POFUT3: variants seen among roughly 807,000 people sequenced by gnomAD.
The protein encoded by POFUT3 is protein O-fucosyltransferase 3, also known as GDP-fucose protein O-fucosyltransferase 3.
the POFUT3 span, among the ~76,000 whole-genome samples, chr8:33,467,222 G>A: frequency 4.3e-5 from 6 of 138,396 alleles, no homozygotes; most frequent in African/African-American, 8.3e-5. Context: ...GCAGTGAGCC[G>A]AGATCACGCC....
At chr8:33,458,512 C>T in the POFUT3 span, among the ~76,000 whole-genome samples, 8 of 151,992 alleles carry the variant, frequency 5.3e-5, no homozygotes, top group East Asian at 7.8e-4. Context: ...GTCAGGAGTT[C>T]GAGACCACCC....
chr8:33,470,862 A>C, the POFUT3 span, among the ~76,000 whole-genome samples: 7 of 152,190 alleles, frequency 4.6e-5, no homozygotes, highest in Non-Finnish European at 7.4e-5. Flanking sequence ...CTCATCCCAT[A>C]AATTATATCC....
At chr8:33,318,201 AT>A in the POFUT3 span, among the ~76,000 whole-genome samples, 1 of 151,748 alleles carries the variant, frequency 6.6e-6, no homozygotes, top group African/African-American at 2.4e-5. Flanking sequence ...GGCTTATTTT[AT>A]TTCCTGCTGT....
chr8:33,449,278 ATTTTTTTTTTTTTTTTTT>A, the POFUT3 span, among the ~76,000 whole-genome samples: 1 of 53,720 alleles, frequency 1.9e-5, no homozygotes, highest in African/African-American at 7.9e-5. Flanking sequence ...ATCCGAGTTG[ATTTTTTTTTTTTTTTTTT>A]TTTTTTTTTT....
At chr8:33,410,213 G>T in the POFUT3 span, among the ~76,000 whole-genome samples, 2 of 152,308 alleles carry the variant, frequency 1.3e-5, no homozygotes, top group South Asian at 4.1e-4. Flanking sequence ...AAGTACCAGG[G>T]AGGGGACCAG....
chr8:33,472,901 C>T, the POFUT3 span, among the ~76,000 whole-genome samples: 2 of 152,218 alleles, frequency 1.3e-5, no homozygotes, highest in Non-Finnish European at 2.9e-5. Context: ...TTACACGCAC[C>T]CCCTGCTCGG....
At chr8:33,335,151 A>ATGTGTTTGTG in the POFUT3 span, among the ~76,000 whole-genome samples, 1 of 145,774 alleles carries the variant, frequency 6.9e-6, no homozygotes, top group Non-Finnish European at 1.5e-5. Context: ...AAAGAAATAT[A>ATGTGTTTGTG]TGTGTGTGTG....
the POFUT3 span, among the ~76,000 whole-genome samples, chr8:33,392,661 T>C: frequency 5.3e-5 from 8 of 151,836 alleles, no homozygotes; most frequent in East Asian, 7.8e-4. Flanking sequence ...CTTCAGACGG[T>C]AAGTGCTGAA....
chr8:33,395,859 C>T, the POFUT3 span, among the ~76,000 whole-genome samples: 1 of 152,150 alleles, frequency 6.6e-6, no homozygotes, highest in South Asian at 2.1e-4. Flanking sequence ...GCGTGCTCCC[C>T]TTCCTGCAAG....
chr8:33,356,006 A>AT, the POFUT3 span, among the ~76,000 whole-genome samples: 1 of 152,172 alleles, frequency 6.6e-6, no homozygotes, highest in Admixed American at 6.5e-5. Context: ...TGAACTCATC[A>AT]TTTTTTATGG....
chr8:33,464,399 T>A, the POFUT3 span, among the ~76,000 whole-genome samples: 1 of 152,200 alleles, frequency 6.6e-6, no homozygotes, highest in African/African-American at 2.4e-5. Context: ...ACTCTCATTT[T>A]CAAATATAAG....
the POFUT3 span, chr8:33,452,669 T>C: frequency 5.6e-5 from 8 of 142,946 alleles, no homozygotes; most frequent in African/African-American, 2.1e-4. Context: ...CTAAATAACA[T>C]ACTTAGATTG....
At chr8:33,352,082 G>A in the POFUT3 span, among the ~76,000 whole-genome samples, 1 of 152,152 alleles carries the variant, frequency 6.6e-6, no homozygotes, top group South Asian at 2.1e-4. Context: ...CTCTGTCAAT[G>A]GGACCAAGTT....
chr8:33,432,454 C>A, the POFUT3 span, among the ~76,000 whole-genome samples: 3 of 150,634 alleles, frequency 2.0e-5, no homozygotes, highest in Admixed American at 2.0e-4. Flanking sequence ...AAAAACAACA[C>A]AAGTTCCCAG....
At chr8:33,383,759 A>C in the POFUT3 span, among the ~76,000 whole-genome samples, 2 of 150,934 alleles carry the variant, frequency 1.3e-5, no homozygotes, top group Non-Finnish European at 2.9e-5. Context: ...AAATTGCACC[A>C]CTGCACTCCA....
At chr8:33,442,503 C>T in the POFUT3 span, among the ~76,000 whole-genome samples, 1 of 152,000 alleles carries the variant, frequency 6.6e-6, no homozygotes, top group East Asian at 1.9e-4. Flanking sequence ...CCAGGATGGT[C>T]TCCATGTCCT....
At chr8:33,461,957 T>G in the POFUT3 span, among the ~76,000 whole-genome samples, 1 of 151,316 alleles carries the variant, frequency 6.6e-6, no homozygotes, top group East Asian at 2.0e-4. Flanking sequence ...GTCAGGAGTT[T>G]GAGACCAGTC....
the POFUT3 span, among the ~76,000 whole-genome samples, chr8:33,326,852 G>A: frequency 3.3e-5 from 5 of 152,166 alleles, 1 homozygote; most frequent in South Asian, 6.2e-4. Flanking sequence ...ATCATAGCTC[G>A]CTGCATCCTC....
At chr8:33,367,363 AC>A in the POFUT3 span, among the ~76,000 whole-genome samples, 1 of 152,066 alleles carries the variant, frequency 6.6e-6, no homozygotes, top group African/African-American at 2.4e-5. Context: ...AACTACCCCA[AC>A]CTATTCCTTT....
Sources: allele counts gnomAD v4.1 joint callset (sites outside exome capture counted in the v4.1 genomes callset), GRCh38; gene constraint gnomAD v4.1.1; transcripts MANE v1.5; gene names NCBI Gene and HGNC (gene_info 2026-07-23, HGNC 2026-07-21).